IGFL4: variants seen among roughly 807,000 people sequenced by gnomAD.
IGFL4 encodes insulin growth factor-like family member 4.
Under a neutral mutation model 15.4 loss-of-function variants are expected in IGFL4, and 12 were observed. The ratio of observed to expected loss-of-function variants is 0.78; its 90% CI spans 0.50 to 1.26. The LOEUF is 1.26. IGFL4 is among the 50% of genes most tolerant of loss of function. IGFL4 has a pLI of 0.00. For synonymous variants in IGFL4, 54 were observed against 55.9 expected (o/e 0.97, Z 0.16); for missense variants, 126 against 147.8 (o/e 0.85, Z 0.76).
rs111930205 is a variant in IGFL4, at chr19:46,039,809, CACA to C, written c.*80_*82del. 11 of 1,255,910 alleles carry C rather than the reference CACA, an allele frequency of 8.8e-6. No individual in the cohort carries two copies. The highest frequency in any genetic ancestry group is 1.2e-5 in the South Asian group (1 of 83,812). The allele number at this position is 1,255,910 out of a possible 1,614,324, so 77.8% of individuals were successfully genotyped here. ...CCTGGGGGACAGAGTGAAACTCTGTCACAACAACAACAAAATCAATGCAGTATA... is the reference window on the plus strand; with the variant it reads ...CCTGGGGGACAGAGTGAAACTCTGTCACAACAACAAAATCAATGCAGTATA... On this transcript the variant is annotated 3_prime_UTR_variant, in exon 4 of 4. Transcript: ENST00000377697.
chr19:46,061,221 A>C (rs138664023), intron 1 of IGFL4, among the ~76,000 whole-genome samples: 9 of 152,278 alleles, frequency 5.9e-5, no homozygotes, highest in African/African-American at 1.7e-4. Flanking sequence ...CCACATTCCC[A>C]TGCCTTCTTA....
At chr19:46,071,866 A>G (rs1969550034) in intron 1 of IGFL4, among the ~76,000 whole-genome samples, 1 of 152,170 alleles carries the variant, frequency 6.6e-6, no homozygotes, top group African/African-American at 2.4e-5. Context: ...TCTCTACAAA[A>G]TAAAAAATTA....
chr19:46,043,317 TATATC>T (rs1198321634), upstream of IGFL4, among the ~76,000 whole-genome samples: 5 of 152,180 alleles, frequency 3.3e-5, no homozygotes, highest in African/African-American at 1.2e-4. Flanking sequence ...TATAGAGTGG[TATATC>T]ATGTCATAGT....
chr19:46,047,410 G>A (rs985295580), intron 2 of IGFL4, among the ~76,000 whole-genome samples: 1 of 145,132 alleles, frequency 6.9e-6, no homozygotes, highest in Admixed American at 6.9e-5. Context: ...TAAGTTATTG[G>A]TTAACAGAAA....
chr19:46,057,423 A>G (rs142830009), intron 2 of IGFL4, among the ~76,000 whole-genome samples: 4,053 of 152,272 alleles, frequency 0.027, 79 homozygotes, highest in Middle Eastern at 0.082. Flanking sequence ...ATCCAGAAAC[A>G]TCAATGGATA....
intron 2 of IGFL4, among the ~76,000 whole-genome samples, chr19:46,047,278 A>G (rs1031264396): frequency 2.0e-5 from 3 of 152,326 alleles, no homozygotes; most frequent in Non-Finnish European, 2.9e-5. Context: ...TATAGCAATA[A>G]ATAACCCACA....
At chr19:46,070,728 C>T (rs752987104) in intron 1 of IGFL4, among the ~76,000 whole-genome samples, 7 of 152,096 alleles carry the variant, frequency 4.6e-5, no homozygotes, top group African/African-American at 1.7e-4. Context: ...AAATAAAGCT[C>T]CTCTCAAACA....
chr19:46,060,649 A>G (rs988207511), intron 1 of IGFL4, among the ~76,000 whole-genome samples: 2 of 152,362 alleles, frequency 1.3e-5, no homozygotes, highest in South Asian at 4.1e-4. Flanking sequence ...TGTGGCACAC[A>G]ATAATTTAAC....
chr19:46,056,664 G>A (rs1000463434), intron 2 of IGFL4, among the ~76,000 whole-genome samples: 1 of 152,196 alleles, frequency 6.6e-6, no homozygotes, highest in African/African-American at 2.4e-5. Flanking sequence ...ACAGAGAGAC[G>A]AGGAGGAGTC....
In IGFL4 at chr19:46,040,379, G is replaced by T. The variant is rs764862568; in HGVS notation, c.108C>A (p.Cys36Ter). Residue 36 changes from cysteine to a stop codon, truncating the protein, a stop_gained, in exon 3 of 4, where the codon TGC becomes TGA. Transcript: ENST00000377697. LOFTEE classifies it high-confidence loss of function. The surrounding 1 kb of genome is among the most constrained non-coding windows in gnomAD (Gnocchi z 4.1). The part of the protein sequence containing the change: ...RLWLCQPAPR[C>*]GEWTYNPLEQ... Reference sequence around the variant, plus strand: ...CCAAGGGGTTGTAGGTCCACTCCCCGCACCTGGGCGCTGGCTGGCATAGCC... The same window carrying T: ...CCAAGGGGTTGTAGGTCCACTCCCCTCACCTGGGCGCTGGCTGGCATAGCC... 4 of 1,614,182 alleles carry T rather than the reference G, an allele frequency of 2.5e-6. No individual in the cohort carries two copies. In the South Asian group the frequency reaches 4.4e-5, roughly 18 times the overall value.
chr19:46,061,986 CAG>C (rs985893704), intron 1 of IGFL4, among the ~76,000 whole-genome samples: 2 of 152,142 alleles, frequency 1.3e-5, no homozygotes, highest in African/African-American at 4.8e-5. Flanking sequence ...CGAAACAGAA[CAG>C]AGTCTTCGAT....
chr19:46,046,711 A>G (rs1485721565), intron 2 of IGFL4, among the ~76,000 whole-genome samples: 5 of 152,220 alleles, frequency 3.3e-5, no homozygotes, highest in Admixed American at 3.3e-4. Flanking sequence ...AGAGCTAAGT[A>G]TCCTAAATAT....
chr19:46,045,065 T>C (rs1479932911), upstream of IGFL4, among the ~76,000 whole-genome samples: 2 of 152,316 alleles, frequency 1.3e-5, no homozygotes, highest in East Asian at 1.9e-4. Context: ...GCTTCTTCTC[T>C]TCCAAATGAC....
chr19:46,074,109 G>A (rs943821590), intron 1 of IGFL4, among the ~76,000 whole-genome samples: 2 of 151,976 alleles, frequency 1.3e-5, no homozygotes, highest in African/African-American at 4.8e-5. Flanking sequence ...GCTCATTTAT[G>A]TGCTTGAGAA....
upstream of IGFL4, among the ~76,000 whole-genome samples, chr19:46,044,102 C>A (rs1969274481): frequency 6.6e-6 from 1 of 152,180 alleles, no homozygotes; most frequent in African/African-American, 2.4e-5. Context: ...GGGACTCCTG[C>A]CCCCAGCCAA....
chr19:46,072,900 T>C (rs1343677705), intron 1 of IGFL4, among the ~76,000 whole-genome samples: 1 of 152,034 alleles, frequency 6.6e-6, no homozygotes, highest in Non-Finnish European at 1.5e-5. Flanking sequence ...TGCAGATACC[T>C]TTGGCCATGA....
intron 2 of IGFL4, among the ~76,000 whole-genome samples, chr19:46,047,138 C>T (rs1448572164): frequency 6.6e-6 from 1 of 152,194 alleles, no homozygotes; most frequent in East Asian, 1.9e-4. Context: ...GAACAATCTG[C>T]TCCTGAATAA....
At chr19:46,066,279 A>C (rs1191781691) in intron 1 of IGFL4, among the ~76,000 whole-genome samples, 1 of 152,194 alleles carries the variant, frequency 6.6e-6, no homozygotes, top group Non-Finnish European at 1.5e-5. Context: ...AGTATGTCCC[A>C]AGTGTTACCC....
chr19:46,048,921 T>A (rs576237820), intron 2 of IGFL4, among the ~76,000 whole-genome samples: 34 of 152,300 alleles, frequency 2.2e-4, no homozygotes, highest in African/African-American at 7.7e-4. Context: ...AAAACTATTT[T>A]AAAATTCATA....
Sources: allele counts gnomAD v4.1 joint callset (sites outside exome capture counted in the v4.1 genomes callset), GRCh38; gene constraint gnomAD v4.1.1; non-coding constraint Gnocchi (gnomAD v3.1); transcripts MANE v1.5; gene names NCBI Gene and HGNC (gene_info 2026-07-23, HGNC 2026-07-21).